Variants in ZSWIM6 observed in about 807,000 individuals in gnomAD.
The protein encoded by ZSWIM6 is zinc finger SWIM domain-containing protein 6.
In ZSWIM6, 9 loss-of-function variants were observed where a neutral mutation model predicts 113.2. That is an observed-to-expected ratio of 0.08 (90% CI 0.05 to 0.14). The LOEUF (loss-of-function observed/expected upper bound fraction) is 0.14, where lower values mean the gene tolerates loss of function less well. ZSWIM6 is among the 10% of genes least tolerant of loss of function. The pLI is 1.00. For missense variants in ZSWIM6, 1,162 were observed against 1,552.2 expected (o/e 0.75, Z 4.22); for synonymous variants, 611 against 606.5 (o/e 1.01, Z -0.11).
At chr5:61,526,120 A>G in intron 6 of ZSWIM6, 130 bp from the exon 7 acceptor site, 1 of 1,424,180 alleles carries the variant, frequency 7.0e-7, no homozygotes, top group Non-Finnish European at 9.4e-7. Context: ...ATTTTCATTC[A>G]AATCCAAGTT....
chr5:61,455,081 A>T (rs1747175938), intron 1 of ZSWIM6, among the ~76,000 whole-genome samples: 1 of 152,146 alleles, frequency 6.6e-6, no homozygotes, highest in Non-Finnish European at 1.5e-5. Flanking sequence ...GGGGAAAAAA[A>T]TAGCTTTCCT....
At chr5:61,539,815 C>A (rs181823959) in intron 12 of ZSWIM6, 56 bp downstream of exon 12, 1 of 1,480,384 alleles carries the variant, frequency 6.8e-7, no homozygotes, top group South Asian at 1.4e-5. Context: ...AAAGGCACCT[C>A]TTAGGGTTGT....
At chr5:61,427,056 A>G (rs77037716) in intron 1 of ZSWIM6, among the ~76,000 whole-genome samples, 2 of 152,214 alleles carry the variant, frequency 1.3e-5, no homozygotes, top group East Asian at 3.9e-4. Flanking sequence ...CCATGACTAT[A>G]TCTTGCTCTT....
chr5:61,469,782 A>G (rs1281718018), intron 1 of ZSWIM6, among the ~76,000 whole-genome samples: 1 of 151,818 alleles, frequency 6.6e-6, no homozygotes, highest in African/African-American at 2.4e-5. Context: ...TCACTGGCTC[A>G]CTGCAAGCTC....
chr5:61,409,529 T>C (rs1342182796), intron 1 of ZSWIM6, among the ~76,000 whole-genome samples: 1 of 152,228 alleles, frequency 6.6e-6, no homozygotes, highest in Non-Finnish European at 1.5e-5. Flanking sequence ...TGTGGGTTCT[T>C]GGTAGCAACT....
intron 1 of ZSWIM6, among the ~76,000 whole-genome samples, chr5:61,392,762 G>A (rs1473560441): frequency 2.3e-4 from 35 of 151,428 alleles, no homozygotes; most frequent in Admixed American, 2.1e-3. Context: ...ACAGGCATCC[G>A]TCACCACCCC....
At chr5:61,370,646 A>G (rs963188893) in intron 1 of ZSWIM6, among the ~76,000 whole-genome samples, 1 of 152,122 alleles carries the variant, frequency 6.6e-6, no homozygotes, top group African/African-American at 2.4e-5. Context: ...ACTGCCCTTC[A>G]CTCTGCCCGT....
At position 61,545,261 on chromosome 5, in the gene ZSWIM6, A is replaced by G. The variant is rs1749856018; in HGVS notation, c.*944A>G. 6.6e-6 allele frequency: 1 copy of G among 151,734 alleles called. No homozygotes were observed. Among genetic ancestry groups the G allele is most frequent in the South Asian group, 2.1e-4 (1 of 4,816 alleles). The allele number at this position is 151,734 out of a possible 1,614,324, so 9.4% of individuals were successfully genotyped here. A position where few individuals can be genotyped will look rare whatever the true frequency, so the allele number is the denominator to read the frequency against. On this transcript the variant is annotated 3_prime_UTR_variant, in exon 14 of 14. Coordinates refer to ENST00000252744, the MANE Select transcript of ZSWIM6 (RefSeq NM_020928.2). ...ATATATATTTATACAACTTATGTATACATATATATATGTATACACACAGAC... is the reference window on the plus strand; with the variant it reads ...ATATATATTTATACAACTTATGTATGCATATATATATGTATACACACAGAC...
intron 1 of ZSWIM6, chr5:61,391,986 A>G (rs1468266468): frequency 2.4e-6 from 1 of 420,118 alleles, no homozygotes; most frequent in Non-Finnish European, 4.2e-6. Flanking sequence ...TTTTGTGTAT[A>G]TTTTCCTTCA....
At chr5:61,364,308 T>A (rs1317955931) in intron 1 of ZSWIM6, among the ~76,000 whole-genome samples, 1 of 152,234 alleles carries the variant, frequency 6.6e-6, no homozygotes, top group Admixed American at 6.5e-5. Context: ...TTTTTGCATA[T>A]ACATGCTTGA....
chr5:61,334,958 A>C (rs756263270), intron 1 of ZSWIM6, among the ~76,000 whole-genome samples: 36 of 151,614 alleles, frequency 2.4e-4, no homozygotes, highest in Non-Finnish European at 4.3e-4. Flanking sequence ...GAGGAATGAC[A>C]GGAGAGCGCA....
chr5:61,480,274 A>G (rs1747820923), intron 2 of ZSWIM6, among the ~76,000 whole-genome samples: 1 of 152,224 alleles, frequency 6.6e-6, no homozygotes, highest in Admixed American at 6.5e-5. Flanking sequence ...TGAGATGAAT[A>G]ATAAAGTCAG....
intron 9 of ZSWIM6, among the ~76,000 whole-genome samples, chr5:61,534,828 C>T (rs1749533260): frequency 1.3e-5 from 2 of 152,034 alleles, no homozygotes; most frequent in Admixed American, 1.3e-4. Flanking sequence ...TTTCAGGAGC[C>T]CAAAGAATAG....
rs558782621 is a variant in ZSWIM6, at chr5:61,466,737, T to A, written c.677-5944T>A. ...GTTAACTGAGTGCATATACATAATA[T>A]GCACAAAATGGCCAACTTTTAGAAA... On this transcript the variant is annotated intron_variant, in intron 1 of 13. Transcript: ENST00000252744. 2.6e-5 allele frequency among the ~76,000 whole-genome samples: 4 copies of A among 152,260 alleles called. No homozygotes were observed. In the South Asian group the frequency reaches 8.3e-4, roughly 32 times the overall value.
chr5:61,540,003 A>G (rs557965775), intron 12 of ZSWIM6, among the ~76,000 whole-genome samples: 69 of 152,020 alleles, frequency 4.5e-4, no homozygotes, highest in African/African-American at 1.6e-3. Context: ...ATTAAAAAAA[A>G]TCATTTTCTG....
At position 61,375,523 on chromosome 5, in the gene ZSWIM6, C is replaced by A. The variant is rs944938363; in HGVS notation, c.676+42575C>A. 3.2e-6 allele frequency: 5 copies of A among 1,552,352 alleles called. No individual in the cohort carries two copies. In the South Asian group the frequency reaches 4.7e-5, roughly 15 times the overall value. On this transcript the variant is annotated intron_variant, in intron 1 of 13. Transcript: ENST00000252744. ...AAAACAGAGAAAGAAAAAGAAGAAC[C>A]GTTCACATAAATCTTCTGAAAGCTC... is the stretch of plus-strand genomic sequence containing the variant.
chr5:61,450,909 C>A (rs921025745), intron 1 of ZSWIM6, among the ~76,000 whole-genome samples: 1 of 152,132 alleles, frequency 6.6e-6, no homozygotes, highest in South Asian at 2.1e-4. Context: ...TTAGAGCTAT[C>A]TGTAATTTTT....
chr5:61,505,684 C>CTTCCT lies in ZSWIM6; in HGVS notation c.1333+11275_1333+11276insTCCTT. On this transcript the variant is annotated intron_variant, in intron 4 of 13. Coordinates refer to ENST00000252744, the MANE Select transcript of ZSWIM6 (RefSeq NM_020928.2). Reference sequence around the variant, plus strand: ...CTTCCTTCCTTCCTTCTTTCCTTGCCTCCCTCCCTCCCTTCCTTCCTCCCT... The same window carrying CTTCCT: ...CTTCCTTCCTTCCTTCTTTCCTTGCCTTCCTTCCCTCCCTCCCTTCCTTCCTCCCT... 4.2e-5 allele frequency among the ~76,000 whole-genome samples: 4 copies of CTTCCT among 96,356 alleles called. 1 individual carries two copies. Among genetic ancestry groups the CTTCCT allele is most frequent in the Non-Finnish European group, 9.1e-5 (4 of 44,106 alleles). 63.2% of individuals were successfully genotyped at this position (96,356 alleles called of 152,430 possible).
intron 1 of ZSWIM6, among the ~76,000 whole-genome samples, chr5:61,461,580 A>G (rs1343065657): frequency 1.3e-5 from 2 of 152,162 alleles, no homozygotes; most frequent in African/African-American, 2.4e-5. Context: ...CCCTGTTGCT[A>G]TAGTAGGCTG....
Sources: gnomAD v4.1 joint callset for allele counts (sites outside exome capture counted in the v4.1 genomes callset) on GRCh38, gnomAD v4.1.1 for gene constraint, MANE v1.5 for transcripts, NCBI Gene and HGNC (gene_info 2026-07-23, HGNC 2026-07-21) for gene names.